The following HEATR5B variants were observed in gnomAD, a reference collection of about 807,000 sequenced individuals.
The protein encoded by HEATR5B is HEAT repeat containing 5B.
Under a neutral mutation model 224.1 loss-of-function variants are expected in HEATR5B, and 156 were observed. The observed-to-expected ratio is 0.70, with a 90% CI of 0.61 to 0.80. The LOEUF (loss-of-function observed/expected upper bound fraction) is 0.80. Ranked by LOEUF, HEATR5B falls within the 30% of genes least tolerant of loss-of-function variation. HEATR5B has a pLI of 0.00. For synonymous variants in HEATR5B, 1,027 were observed against 893.0 expected (o/e 1.15, Z -2.68); for missense variants, 2,323 against 2,535.5 (o/e 0.92, Z 1.80).
At chr2:37,022,406 T>C (rs1168867783) in intron 24 of HEATR5B, among the ~76,000 whole-genome samples, 1 of 152,198 alleles carries the variant, frequency 6.6e-6, no homozygotes, top group Non-Finnish European at 1.5e-5. Context: ...CTCAAACTCC[T>C]GACCTTGTGA....
At chr2:36,987,849 G>A (rs776461647) in intron 35 of HEATR5B, among the ~76,000 whole-genome samples, 5 of 152,046 alleles carry the variant, frequency 3.3e-5, no homozygotes, top group African/African-American at 4.8e-5. Flanking sequence ...CAGGTGGATC[G>A]CTTGAGTCCA....
At position 37,028,180 on chromosome 2, in the gene HEATR5B, A is replaced by G. The variant is rs1668899757; in HGVS notation, c.3602-6T>C. 1.3e-6 allele frequency: 2 copies of G among 1,588,660 alleles called. No individual in the cohort carries two copies. The highest frequency in any genetic ancestry group is 1.7e-6 in the Non-Finnish European group (2 of 1,159,656). On this transcript the variant is annotated splice_polypyrimidine_tract_variant and splice_region_variant and intron_variant, in intron 23 of 35. Coordinates refer to ENST00000233099, the MANE Select transcript of HEATR5B (RefSeq NM_019024.3). The stretch of plus-strand genomic sequence containing the variant: ...GAGAGTTGCAGTACTCATATCTATA[A>G]CAAGAATAAGGAATATTGTAACAAT...
intron 8 of HEATR5B, 104 bp from the exon 9 acceptor site, chr2:37,066,014 G>T: frequency 2.1e-6 from 2 of 958,678 alleles, no homozygotes; most frequent in Non-Finnish European, 3.0e-6. Context: ...TGATGTCCGA[G>T]TGTTAAAAAC....
At chr2:37,051,594 T>C (rs982150231) in intron 17 of HEATR5B, among the ~76,000 whole-genome samples, 7 of 152,156 alleles carry the variant, frequency 4.6e-5, no homozygotes, top group Admixed American at 1.3e-4. Context: ...ATATTACAGT[T>C]GGTTCACTAC....
chr2:37,026,711 T>C (rs999131049), intron 24 of HEATR5B, among the ~76,000 whole-genome samples: 1 of 152,234 alleles, frequency 6.6e-6, no homozygotes, highest in African/African-American at 2.4e-5. Flanking sequence ...AATAATTACA[T>C]GAACAAAAAC....
At chr2:37,065,355 C>A (rs1397617212) in intron 9 of HEATR5B, among the ~76,000 whole-genome samples, 2 of 151,820 alleles carry the variant, frequency 1.3e-5, no homozygotes, top group Non-Finnish European at 2.9e-5. Flanking sequence ...ACTTTGTCCC[C>A]CAGGCTGGAA....
intron 17 of HEATR5B, 151 bp from the exon 18 acceptor site, chr2:37,049,994 A>G: frequency 4.2e-6 from 3 of 716,630 alleles, no homozygotes; most frequent in Non-Finnish European, 6.3e-6. Context: ...GAGCTCAAGC[A>G]ATCCTCCCAG....
intron 24 of HEATR5B, among the ~76,000 whole-genome samples, chr2:37,025,301 T>A (rs974085243): frequency 6.6e-6 from 1 of 151,980 alleles, no homozygotes; most frequent in African/African-American, 2.4e-5. Context: ...GCAATCCACC[T>A]CCACACTGAG....
At chr2:37,073,285 G>T (rs985984911) in intron 5 of HEATR5B, among the ~76,000 whole-genome samples, 1 of 152,102 alleles carries the variant, frequency 6.6e-6, no homozygotes, top group Non-Finnish European at 1.5e-5. Flanking sequence ...ATGCAATATT[G>T]GTTAAAATTC....
At chr2:36,990,940 T>C (rs1666285772) in intron 33 of HEATR5B, 141 bp from the exon 34 acceptor site, 5 of 616,918 alleles carry the variant, frequency 8.1e-6, no homozygotes, top group African/African-American at 1.9e-5. Context: ...TCCTCCTGCC[T>C]TGGCCTCCCA....
At chr2:37,030,785 T>G (rs1405647435) in intron 22 of HEATR5B, among the ~76,000 whole-genome samples, 2 of 152,242 alleles carry the variant, frequency 1.3e-5, no homozygotes, top group Admixed American at 6.5e-5. Context: ...TAAAATGTGC[T>G]CTAGTGGTTT....
rs763435063 is a variant in HEATR5B at position 37,083,442 on chromosome 2, A to G, written c.-22-6T>C. 1.9e-6 allele frequency: 3 copies of G among 1,589,808 alleles called. No individual in the cohort carries two copies. The African/African-American group carries it at 4.1e-5, about 22-fold the overall frequency. On this transcript the variant is annotated splice_region_variant and splice_polypyrimidine_tract_variant and intron_variant, in intron 1 of 35. Coordinates refer to ENST00000233099, the MANE Select transcript of HEATR5B (RefSeq NM_019024.3). ...CGGAAGTTTGAAATTCACACCTTAAATTTAACAGAGTAAAAAATACTTGTA... is the reference window on the plus strand; with the variant it reads ...CGGAAGTTTGAAATTCACACCTTAAGTTTAACAGAGTAAAAAATACTTGTA...
intron 23 of HEATR5B, 134 bp from the exon 24 acceptor site, chr2:37,028,308 C>T (rs1668908727): frequency 1.9e-6 from 1 of 539,160 alleles, no homozygotes; most frequent in Admixed American, 3.9e-5. Context: ...GTAAAACTAG[C>T]AGAATTTTTT....
rs746383430 is a variant in HEATR5B at position 37,005,743 on chromosome 2, A to G, written c.4794T>C (p.Phe1598=). 1.3e-6 allele frequency: 2 copies of G among 1,595,878 alleles called. No individual in the cohort carries two copies. Residue 1598 remains phenylalanine, a synonymous_variant, in exon 30 of 36, where the codon TTT becomes TTC. Coordinates refer to ENST00000233099, the MANE Select transcript of HEATR5B (RefSeq NM_019024.3). ...MHLILGVSIQ[F]LCSPRPEEPI... ...GCTCCTCAGGTCTAGGGGAACAAAGAAACTGTATACTCACACCTGAAATGC... is the reference window on the plus strand; with the variant it reads ...GCTCCTCAGGTCTAGGGGAACAAAGGAACTGTATACTCACACCTGAAATGC...
rs1667039840 is a variant in HEATR5B at position 37,000,768 on chromosome 2, A to G, written c.5363T>C (p.Ile1788Thr). 6.2e-7 allele frequency: 1 copy of G among 1,614,030 alleles called. No homozygotes were observed. Among genetic ancestry groups the G allele is most frequent in the African/African-American group, 1.3e-5 (1 of 74,930 alleles). The change falls in exon 33 of 36, where the codon ATA (isoleucine) becomes ACA (threonine). Residue 1788 changes from isoleucine to threonine, a missense_variant. By Grantham distance (89) the Ile-to-Thr change is moderately conservative. Transcript: ENST00000233099. ...AGACTTTATTGCTGTGTCTTTCAAT[A>G]TTCTTGCAATTAAGAACAGAATTGT... ...LPTILFLIARILKDTAIKSAD... is the reference protein window; with the variant it reads ...LPTILFLIARTLKDTAIKSAD...
rs565455260 is a variant in HEATR5B at position 37,020,347 on chromosome 2, G to C, written c.4035+308C>G. Among the ~76,000 whole-genome samples the C allele has an allele frequency of 5.9e-5, 9 of 152,294 alleles. No individual in the cohort carries two copies. In the South Asian group the frequency reaches 1.5e-3, roughly 25 times the overall value. ...GCAAATCCACAACACTCTTTTGAAG[G>C]TTCCTTTTATCTCTTAAAGGGCAGA... On this transcript the variant is annotated intron_variant, in intron 25 of 35. Transcript: ENST00000233099.
At chr2:37,044,634 A>G (rs1412508917) in intron 18 of HEATR5B, among the ~76,000 whole-genome samples, 1 of 152,200 alleles carries the variant, frequency 6.6e-6, no homozygotes, top group Non-Finnish European at 1.5e-5. Flanking sequence ...TAGAAGTGGA[A>G]CTGGTAGGCA....
intron 24 of HEATR5B, among the ~76,000 whole-genome samples, chr2:37,021,855 C>T (rs530346242): frequency 1.3e-5 from 2 of 149,372 alleles, no homozygotes; most frequent in Admixed American, 1.3e-4. Context: ...CAACTGCACT[C>T]CAGCCTGGGT....
chr2:37,009,127 A>AC (rs1173271149), intron 27 of HEATR5B, among the ~76,000 whole-genome samples: 1 of 151,738 alleles, frequency 6.6e-6, no homozygotes, highest in Non-Finnish European at 1.5e-5. Context: ...GCATGGTGGC[A>AC]GGCACCTGTA....
Sources: gnomAD v4.1 joint callset for allele counts (sites outside exome capture counted in the v4.1 genomes callset) on GRCh38, gnomAD v4.1.1 for gene constraint, MANE v1.5 for transcripts, NCBI Gene and HGNC (gene_info 2026-07-23, HGNC 2026-07-21) for gene names.